The following XKR6 variants were observed in gnomAD, a reference collection of about 807,000 sequenced individuals.
XKR6 encodes the protein XK related 6.
A neutral mutation model predicts 56.7 loss-of-function variants in XKR6; 22 were observed. The observed-to-expected ratio is 0.39, with a 90% CI of 0.28 to 0.55. XKR6 has a LOEUF of 0.55. Among genes scored for constraint, XKR6 ranks in the 20% least tolerant of loss-of-function variants. The pLI, the probability that XKR6 is intolerant of heterozygous loss-of-function variation, is 0.66. For missense variants in XKR6, 852 were observed against 889.0 expected (o/e 0.96, Z 0.53); for synonymous variants, 524 against 387.8 (o/e 1.35, Z -4.13).
intron 1 of XKR6, among the ~76,000 whole-genome samples, chr8:11,057,726 C>T (rs1799722311): frequency 6.6e-6 from 1 of 152,146 alleles, no homozygotes; most frequent in African/African-American, 2.4e-5. Context: ...CCTTCAATGC[C>T]CACCTGTCAA....
intron 1 of XKR6, among the ~76,000 whole-genome samples, chr8:11,188,857 T>C (rs868672948): frequency 2.6e-5 from 4 of 152,104 alleles, no homozygotes; most frequent in South Asian, 4.2e-4. Context: ...CCTGAGCTTC[T>C]CCGTTACAAG....
intron 1 of XKR6, among the ~76,000 whole-genome samples, chr8:11,142,303 A>C (rs1021077671): frequency 2.0e-5 from 3 of 151,942 alleles, no homozygotes; most frequent in Non-Finnish European, 2.9e-5. Flanking sequence ...ATGAACCTGA[A>C]ACATCTTGAC....
intron 1 of XKR6, chr8:11,106,378 G>A (rs916118244): frequency 6.6e-6 from 1 of 152,370 alleles, no homozygotes; most frequent in East Asian, 1.9e-4. Context: ...GCGAGCTCCA[G>A]AGAGGCCGGT....
chr8:11,071,673 G>C (rs967406097), intron 1 of XKR6, among the ~76,000 whole-genome samples: 3 of 151,004 alleles, frequency 2.0e-5, no homozygotes, highest in African/African-American at 7.3e-5. Flanking sequence ...TGAGCCCCGA[G>C]GCCATGAGCC....
intron 1 of XKR6, among the ~76,000 whole-genome samples, chr8:10,976,219 G>T (rs938537150): frequency 2.6e-5 from 4 of 151,782 alleles, no homozygotes; most frequent in Non-Finnish European, 5.9e-5. Context: ...CCACCATGTT[G>T]TGGGAGGGTT....
At chr8:10,970,505 G>T (rs528230138) in intron 1 of XKR6, among the ~76,000 whole-genome samples, 1 of 152,060 alleles carries the variant, frequency 6.6e-6, no homozygotes, top group Non-Finnish European at 1.5e-5. Flanking sequence ...TGGAGGATCT[G>T]CACATGAAAC....
At chr8:10,970,023 G>A (rs1802356064) in intron 1 of XKR6, among the ~76,000 whole-genome samples, 1 of 152,218 alleles carries the variant, frequency 6.6e-6, no homozygotes, top group South Asian at 2.1e-4. Flanking sequence ...TGATAAGTCG[G>A]AGCCCCAAAT....
rs1800461800 is a variant in XKR6 at position 10,913,236 on chromosome 8, G to A, written c.961+11398C>T. On this transcript the variant is annotated intron_variant, in intron 2 of 2. Transcript: ENST00000416569. ...TTGTTCATATACTTGTTCATTGCCT[G>A]CCTCCACTAAAATGTAAGCCCCAGG... Among the ~76,000 whole-genome samples the A allele has an allele frequency of 2.0e-5, 3 of 151,958 alleles. No individual in the cohort carries two copies. In the South Asian group the frequency reaches 6.2e-4, roughly 32 times the overall value.
chr8:11,172,381 C>T (rs763445329), intron 1 of XKR6, among the ~76,000 whole-genome samples: 1 of 151,968 alleles, frequency 6.6e-6, no homozygotes, highest in African/African-American at 2.4e-5. Context: ...AATAAATAAA[C>T]AAAATTACCC....
intron 1 of XKR6, among the ~76,000 whole-genome samples, chr8:11,092,350 A>G (rs1798100667): frequency 6.6e-6 from 1 of 152,204 alleles, no homozygotes; most frequent in Non-Finnish European, 1.5e-5. Context: ...ACAACCTTGG[A>G]AGCACTATGG....
At chr8:10,911,695 T>C (rs1051209169) in intron 2 of XKR6, among the ~76,000 whole-genome samples, 8 of 149,032 alleles carry the variant, frequency 5.4e-5, no homozygotes, top group Non-Finnish European at 1.2e-4. Flanking sequence ...TGAGTATATA[T>C]ATACACATGT....
intron 1 of XKR6, among the ~76,000 whole-genome samples, chr8:10,947,466 G>C (rs549492517): frequency 6.6e-6 from 1 of 152,088 alleles, no homozygotes; most frequent in African/African-American, 2.4e-5. Flanking sequence ...CTGGGGGATC[G>C]AGGGAGAGCA....
chr8:11,189,228 G>A (rs1234142147), intron 1 of XKR6, among the ~76,000 whole-genome samples: 1 of 152,134 alleles, frequency 6.6e-6, no homozygotes, highest in East Asian at 1.9e-4. Flanking sequence ...TCACTGGATT[G>A]AAATATCAAT....
intron 1 of XKR6, among the ~76,000 whole-genome samples, chr8:11,158,858 T>A (rs928170366): frequency 6.6e-6 from 1 of 152,116 alleles, no homozygotes; most frequent in Non-Finnish European, 1.5e-5. Context: ...AAGGGAATAA[T>A]TACCAGAACA....
At chr8:10,985,768 T>C (rs1156375408) in intron 1 of XKR6, among the ~76,000 whole-genome samples, 3 of 152,198 alleles carry the variant, frequency 2.0e-5, no homozygotes, top group Admixed American at 2.0e-4. Flanking sequence ...ATGTCTTTAT[T>C]AGAAGCATGA....
At chr8:10,909,978 C>T (rs961228111) in intron 2 of XKR6, among the ~76,000 whole-genome samples, 1 of 151,742 alleles carries the variant, frequency 6.6e-6, no homozygotes, top group Non-Finnish European at 1.5e-5. Flanking sequence ...TTTCACATCT[C>T]GGGGGGCTGG....
intron 1 of XKR6, among the ~76,000 whole-genome samples, chr8:11,038,131 C>T (rs1033098113): frequency 3.9e-5 from 6 of 152,054 alleles, no homozygotes; most frequent in African/African-American, 1.4e-4. Context: ...CGAAAGGGGC[C>T]GGTTTTTCTC....
chr8:11,133,534 TCA>T, intron 1 of XKR6, among the ~76,000 whole-genome samples: 1 of 152,058 alleles, frequency 6.6e-6, no homozygotes, highest in East Asian at 1.9e-4. Context: ...GCTGTTTCTC[TCA>T]GAGTACACAC....
intron 2 of XKR6, among the ~76,000 whole-genome samples, chr8:10,911,362 T>C (rs1178716601): frequency 6.8e-6 from 1 of 147,360 alleles, no homozygotes; most frequent in African/African-American, 2.5e-5. Context: ...TGTGTATATA[T>C]ATATATATAG....
Sources: allele counts gnomAD v4.1 joint callset (sites outside exome capture counted in the v4.1 genomes callset), GRCh38; gene constraint gnomAD v4.1.1; transcripts MANE v1.5; gene names NCBI Gene and HGNC (gene_info 2026-07-23, HGNC 2026-07-21).